The following SGMS1 variants were observed in gnomAD, a reference collection of about 807,000 sequenced individuals.
SGMS1 encodes phosphatidylcholine:ceramide cholinephosphotransferase 1.
In SGMS1, 13 loss-of-function variants were observed where a neutral mutation model predicts 46.2. The observed-to-expected ratio is 0.28, with a 90% CI of 0.18 to 0.45. SGMS1 has a LOEUF of 0.45. Among genes scored for constraint, SGMS1 ranks in the 20% least tolerant of loss-of-function variants. SGMS1 has a pLI of 1.00. For missense variants in SGMS1, 324 were observed against 519.9 expected (o/e 0.62, Z 3.66); for synonymous variants, 203 against 187.8 (o/e 1.08, Z -0.66).
At chr10:50,419,498 T>TG (rs1554936677) in intron 6 of SGMS1, among the ~76,000 whole-genome samples, 5 of 152,126 alleles carry the variant, frequency 3.3e-5, no homozygotes, top group African/African-American at 1.2e-4. Context: ...TGGTAGCAAA[T>TG]AGGCTTAAAA....
intron 6 of SGMS1, among the ~76,000 whole-genome samples, chr10:50,384,508 C>G (rs1378841424): frequency 6.6e-6 from 1 of 150,914 alleles, no homozygotes; most frequent in Non-Finnish European, 1.5e-5. Context: ...CTTCCTTTCT[C>G]TTTTCTTTTC....
chr10:50,452,875 A>G (rs1417312434), intron 5 of SGMS1, among the ~76,000 whole-genome samples: 1 of 152,216 alleles, frequency 6.6e-6, no homozygotes, highest in Non-Finnish European at 1.5e-5. Flanking sequence ...ATAACCAACA[A>G]CCAGTATTTA....
chr10:50,448,583 A>G (rs560031002), intron 5 of SGMS1, among the ~76,000 whole-genome samples: 1 of 152,102 alleles, frequency 6.6e-6, no homozygotes, highest in African/African-American at 2.4e-5. Context: ...CATCTCTACT[A>G]AAAATATAAA....
At chr10:50,622,287 G>A (rs1355873032) in intron 1 of SGMS1, among the ~76,000 whole-genome samples, 3 of 152,088 alleles carry the variant, frequency 2.0e-5, no homozygotes, top group Non-Finnish European at 4.4e-5. Flanking sequence ...CTTCTGCACA[G>A]GCCAAAACAG....
chr10:50,607,145 ATT>A (rs1298270590), intron 1 of SGMS1, among the ~76,000 whole-genome samples: 14 of 136,362 alleles, frequency 1.0e-4, no homozygotes, highest in Admixed American at 1.5e-4. Context: ...CACCCAGGTA[ATT>A]TTTTTTTTTT....
intron 3 of SGMS1, among the ~76,000 whole-genome samples, chr10:50,505,102 G>T (rs1405558775): frequency 2.0e-5 from 3 of 152,196 alleles, no homozygotes; most frequent in African/African-American, 7.2e-5. Context: ...TGTAGTCCCA[G>T]CTACTTGGGA....
intron 1 of SGMS1, among the ~76,000 whole-genome samples, chr10:50,612,263 G>C (rs549425966): frequency 6.6e-6 from 1 of 152,308 alleles, no homozygotes; most frequent in Admixed American, 6.5e-5. Flanking sequence ...GATTCACATA[G>C]AATACCTGCA....
intron 1 of SGMS1, among the ~76,000 whole-genome samples, chr10:50,616,235 C>G (rs147615942): frequency 2.6e-5 from 4 of 152,056 alleles, no homozygotes; most frequent in Non-Finnish European, 4.4e-5. Flanking sequence ...CCACATCAGC[C>G]CCCCCGCCCC....
chr10:50,604,468 C>G (rs1396754312), intron 1 of SGMS1, among the ~76,000 whole-genome samples: 2 of 152,178 alleles, frequency 1.3e-5, no homozygotes, highest in African/African-American at 4.8e-5. Context: ...TTTGCCTAGA[C>G]GTCTGATACA....
chr10:50,421,837 G>A (rs1849258803), intron 6 of SGMS1, among the ~76,000 whole-genome samples: 1 of 152,082 alleles, frequency 6.6e-6, no homozygotes, highest in Admixed American at 6.6e-5. Context: ...TGGAGAGGCT[G>A]CCCCAAAGGG....
intron 3 of SGMS1, among the ~76,000 whole-genome samples, chr10:50,502,039 C>T (rs2133757991): frequency 6.6e-6 from 1 of 152,062 alleles, no homozygotes; most frequent in Non-Finnish European, 1.5e-5. Context: ...TATGTTTCCA[C>T]AATGTACTGT....
At chr10:50,315,174 T>TACAGTAAGTACA (rs1564871726) in intron 8 of SGMS1, among the ~76,000 whole-genome samples, 1 of 152,192 alleles carries the variant, frequency 6.6e-6, no homozygotes, top group African/African-American at 2.4e-5. Flanking sequence ...GTATAGTAAG[T>TACAGTAAGTACA]CTAGATTGTA....
At chr10:50,495,244 AAAAAAAAAAAAAGTTAAG>A (rs1447127727) in intron 3 of SGMS1, among the ~76,000 whole-genome samples, 2 of 135,096 alleles carry the variant, frequency 1.5e-5, no homozygotes, top group Non-Finnish European at 3.2e-5. Flanking sequence ...GTCTCAAAAA[AAAAAAAAAAAAAGTTAAG>A]AAAAAAAAAA....
chr10:50,417,676 A>G (rs1849192995), intron 6 of SGMS1, among the ~76,000 whole-genome samples: 1 of 152,190 alleles, frequency 6.6e-6, no homozygotes, highest in African/African-American at 2.4e-5. Flanking sequence ...AGTTTGAGAA[A>G]GTGAGTACTT....
At chr10:50,365,598 G>A (rs1848327497) in intron 6 of SGMS1, among the ~76,000 whole-genome samples, 3 of 151,748 alleles carry the variant, frequency 2.0e-5, no homozygotes, top group East Asian at 1.9e-4. Context: ...CCATACCCCC[G>A]ACAGGCCCCG....
chr10:50,332,008 A>C (rs1847630987), intron 7 of SGMS1, among the ~76,000 whole-genome samples: 1 of 152,182 alleles, frequency 6.6e-6, no homozygotes, highest in Non-Finnish European at 1.5e-5. Context: ...GCTTCCTAAA[A>C]TCCATTCTGT....
At chr10:50,372,195 C>G (rs543251409) in intron 6 of SGMS1, among the ~76,000 whole-genome samples, 1 of 152,222 alleles carries the variant, frequency 6.6e-6, no homozygotes, top group African/African-American at 2.4e-5. Context: ...TCATGAACAA[C>G]AAAAAGCGAA....
chr10:50,422,230 T>C (rs1205200980), intron 6 of SGMS1, among the ~76,000 whole-genome samples: 1 of 152,188 alleles, frequency 6.6e-6, no homozygotes, highest in African/African-American at 2.4e-5. Context: ...CGAGCATCTG[T>C]ATCCCCCAGG....
intron 5 of SGMS1, among the ~76,000 whole-genome samples, chr10:50,459,443 G>C (rs1002709879): frequency 6.6e-6 from 1 of 152,084 alleles, no homozygotes; most frequent in Non-Finnish European, 1.5e-5. Flanking sequence ...CACTCTTGTT[G>C]CCCAGGCTGG....
Sources: allele counts gnomAD v4.1 joint callset (sites outside exome capture counted in the v4.1 genomes callset), GRCh38; gene constraint gnomAD v4.1.1; transcripts MANE v1.5; gene names NCBI Gene and HGNC (gene_info 2026-07-23, HGNC 2026-07-21).